Variants in ZNF880 observed in about 807,000 individuals in gnomAD.
ZNF880 encodes the protein zinc finger protein 880, also known as zinc finger protein LOC400713.
In ZNF880, 12 loss-of-function variants were observed where a neutral mutation model predicts 11.8. The ratio of observed to expected loss-of-function variants is 1.02; its 90% confidence interval spans 0.65 to 1.65. The LOEUF is 1.65. Ranked by LOEUF, ZNF880 falls within the 40% of genes most tolerant of loss-of-function variation. The probability of loss-of-function intolerance (pLI) is 0.00; values close to 1 mark genes in which losing one functional copy is unlikely to be tolerated. For missense variants in ZNF880, 601 were observed against 673.9 expected (o/e 0.89, Z 1.20); for synonymous variants, 210 against 232.4 (o/e 0.90, Z 0.88).
chr19:52,386,191 A>G (rs1161967855), downstream of ZNF880, among the ~76,000 whole-genome samples: 5 of 136,122 alleles, frequency 3.7e-5, no homozygotes, highest in South Asian at 1.2e-3. Flanking sequence ...AAAAAAAAGA[A>G]AGAAAAAGAA....
downstream of ZNF880, among the ~76,000 whole-genome samples, chr19:52,388,318 C>CT (rs1447124795): frequency 1.3e-4 from 6 of 46,342 alleles, no homozygotes; most frequent in Admixed American, 2.5e-4. Context: ...GGCAGAGTCT[C>CT]TGTCACCAGG....
chr19:52,393,123 A>G, the ZNF880 span, among the ~76,000 whole-genome samples: 2 of 147,804 alleles, frequency 1.4e-5, no homozygotes, highest in Non-Finnish European at 3.0e-5. Context: ...CCCAGGCTGG[A>G]GTACAGTGGC....
chr19:52,367,096 A>G (rs1986138086), upstream of ZNF880: 2 of 269,874 alleles, frequency 7.4e-6, no homozygotes, highest in Non-Finnish European at 1.3e-5. Flanking sequence ...CTCATGTTTT[A>G]AGTAATAAAG....
chr19:52,384,275 G>C lies in ZNF880; in HGVS notation c.695G>C (p.Arg232Thr). 1 of 1,613,650 alleles carries C rather than the reference G, an allele frequency of 6.2e-7. No homozygotes were observed. Among genetic ancestry groups the C allele is most frequent in the Non-Finnish European group, 8.5e-7 (1 of 1,179,764 alleles). The change falls in exon 4 of 4, where the codon AGA (arginine) becomes ACA (threonine). Residue 232 changes from arginine to threonine, a missense_variant. This residue lies in a region of ZNF880 where 420 missense variants were observed against 442.6 expected (regional missense o/e 0.95). Coordinates refer to ENST00000422689, the MANE Select transcript of ZNF880 (RefSeq NM_001145434.2). ...AGTTCAAACCTTGTACAACATCAAA[G>C]AATTCATACTGGAGAGAAGCCTTAC... Reference protein sequence around the residue: ...SNSSNLVQHQRIHTGEKPYKC... With the variant: ...SNSSNLVQHQTIHTGEKPYKC...
At chr19:52,393,829 C>A in the ZNF880 span, among the ~76,000 whole-genome samples, 6 of 145,656 alleles carry the variant, frequency 4.1e-5, no homozygotes, top group South Asian at 2.2e-4. Context: ...TTTCTTTGCC[C>A]CCCCCCTTTT....
chr19:52,394,336 A>G, the ZNF880 span, among the ~76,000 whole-genome samples: 1 of 151,904 alleles, frequency 6.6e-6, no homozygotes, highest in Non-Finnish European at 1.5e-5. Context: ...TGCAGGCTTA[A>G]GTCATCCTCC....
intron 3 of ZNF880, chr19:52,379,948 G>C (rs1036868891): frequency 2.0e-5 from 3 of 151,988 alleles, no homozygotes; most frequent in Non-Finnish European, 4.4e-5. Context: ...ACCCAGGATA[G>C]AGTGTGGTAT....
chr19:52,384,973 A>G lies in ZNF880; in HGVS notation c.1393A>G (p.Arg465Gly). 1 of 1,568,818 alleles carries G rather than the reference A, an allele frequency of 6.4e-7. No homozygotes were observed. Residue 465 changes from arginine (R) to glycine (G), a missense_variant, in exon 4 of 4, where the codon AGA becomes GGA. Arg to Gly is a moderately radical substitution (Grantham distance 125, BLOSUM62 -2). Coordinates refer to ENST00000422689, the MANE Select transcript of ZNF880 (RefSeq NM_001145434.2). Reference sequence around the variant, plus strand: ...ATTTCATACTGGAGAGAAACCTTACAGATGTGATGAATGTGGCAAGGACTT... The same window carrying G: ...ATTTCATACTGGAGAGAAACCTTACGGATGTGATGAATGTGGCAAGGACTT... ...QRFHTGEKPYRCDECGKDFTR... is the reference protein window; with the variant it reads ...QRFHTGEKPYGCDECGKDFTR...
intron 3 of ZNF880, among the ~76,000 whole-genome samples, chr19:52,376,496 GCCC>G (rs772625389): frequency 0.072 from 3,653 of 51,074 alleles, 82 homozygotes; most frequent in African/African-American, 0.095. Flanking sequence ...CCTTAGCACC[GCCC>G]CCCCCCCCCC....
rs374769015 is a variant in ZNF880 at position 52,384,211 on chromosome 19, C to A, written c.631C>A (p.Pro211Thr). 1.1e-5 allele frequency: 18 copies of A among 1,611,930 alleles called. No individual in the cohort carries two copies. The African/African-American group carries it at 2.3e-4, about 20-fold the overall frequency. Reference protein sequence around the residue: ...NNQVIHTADNPYKCNECDKVF... With the variant: ...NNQVIHTADNTYKCNECDKVF... ...TCAAGTAATCCACACTGCAGATAAC[C>A]CTTACAAATGTAATGAATGTGACAA... is the stretch of plus-strand genomic sequence containing the variant. The change falls in exon 4 of 4, where the codon CCT becomes ACT. Residue 211 changes from proline to threonine, a missense_variant. This residue lies in a region of ZNF880 where 420 missense variants were observed against 442.6 expected (regional missense o/e 0.95). Coordinates refer to ENST00000422689, the MANE Select transcript of ZNF880 (RefSeq NM_001145434.2).
intron 3 of ZNF880, among the ~76,000 whole-genome samples, chr19:52,382,844 G>A (rs1204770516): frequency 2.0e-5 from 3 of 152,026 alleles, no homozygotes; most frequent in South Asian, 4.2e-4. Flanking sequence ...CTTAGATTGG[G>A]GATGTTTGAA....
intron 3 of ZNF880, among the ~76,000 whole-genome samples, chr19:52,378,146 C>T (rs137885783): frequency 6.6e-6 from 1 of 152,292 alleles, no homozygotes; most frequent in Non-Finnish European, 1.5e-5. Context: ...TAGAACAAAT[C>T]ACATTCCTAT....
intron 1 of ZNF880, among the ~76,000 whole-genome samples, chr19:52,371,053 ATG>A (rs1329615730): frequency 1.3e-5 from 2 of 152,180 alleles, no homozygotes; most frequent in Non-Finnish European, 1.5e-5. Flanking sequence ...TGTACATGTG[ATG>A]TGTGTGGATG....
At chr19:52,393,970 G>A in the ZNF880 span, among the ~76,000 whole-genome samples, 5 of 151,406 alleles carry the variant, frequency 3.3e-5, no homozygotes, top group African/African-American at 9.7e-5. Flanking sequence ...CCCAGTAGCT[G>A]GGACTACAGG....
chr19:52,369,547 A>G (rs1315222701), upstream of ZNF880, among the ~76,000 whole-genome samples: 1 of 151,502 alleles, frequency 6.6e-6, no homozygotes, highest in Non-Finnish European at 1.5e-5. Context: ...ATTTATGATT[A>G]TGTATTTATT....
intron 3 of ZNF880, among the ~76,000 whole-genome samples, chr19:52,378,479 C>T (rs1182604684): frequency 1.3e-5 from 2 of 151,588 alleles, no homozygotes; most frequent in Non-Finnish European, 2.9e-5. Context: ...CCCGTCTCTA[C>T]TAAGAATATA....
chr19:52,379,156 CT>C (rs1986638146), intron 3 of ZNF880, among the ~76,000 whole-genome samples: 1 of 151,886 alleles, frequency 6.6e-6, no homozygotes, highest in Non-Finnish European at 1.5e-5. Flanking sequence ...TCTTTGTCTT[CT>C]TTGTTTTATA....
At chr19:52,368,216 AATAATAAT>A (rs1568657917), upstream of ZNF880, among the ~76,000 whole-genome samples, 4 of 48,502 alleles carry the variant, frequency 8.2e-5, no homozygotes, top group African/African-American at 2.2e-4. Context: ...AAAAAAAAAA[AATAATAAT>A]AATACTGTAA....
At chr19:52,371,990 A>G (rs1270585321) in intron 1 of ZNF880, among the ~76,000 whole-genome samples, 1 of 151,804 alleles carries the variant, frequency 6.6e-6, no homozygotes, top group Non-Finnish European at 1.5e-5. Context: ...GGAGTTCAAG[A>G]CCAGCCTGAC....
Sources: gnomAD v4.1 joint callset for allele counts (sites outside exome capture counted in the v4.1 genomes callset) on GRCh38, gnomAD v4.1.1 for gene constraint, gnomAD v4.1.1 regional missense constraint, MANE v1.5 for transcripts, NCBI Gene and HGNC (gene_info 2026-07-23, HGNC 2026-07-21) for gene names.